DIRAS1: variants seen among roughly 807,000 people sequenced by gnomAD.
The protein encoded by DIRAS1 is GTP-binding protein Di-Ras1.
In DIRAS1, 3 loss-of-function variants were observed where a neutral mutation model predicts 11.5. That is an observed-to-expected ratio of 0.26 (90% CI 0.12 to 0.67). DIRAS1 has a LOEUF of 0.67. Ranked by LOEUF, DIRAS1 falls within the 30% of genes least tolerant of loss-of-function variation. DIRAS1 has a pLI of 0.80. For synonymous variants in DIRAS1, 128 were observed against 125.8 expected (o/e 1.02, Z -0.12); for missense variants, 212 against 285.3 (o/e 0.74, Z 1.85).
chr19:2,717,476 C>A lies in DIRAS1; in HGVS notation c.331G>T (p.Val111Leu), dbSNP rs755417061. 1 of 1,611,774 alleles carries A rather than the reference C, an allele frequency of 6.2e-7. No individual in the cohort carries two copies. The highest frequency in any genetic ancestry group is 1.3e-5 in the African/African-American group (1 of 74,922). ...YKLIVQIKGS[V>L]EDIPVMLVGN... ...ACGAGCATCACGGGGATGTCCTCCACGCTGCCCTTGATCTGCACGATGAGC... is the reference window on the plus strand; with the variant it reads ...ACGAGCATCACGGGGATGTCCTCCAAGCTGCCCTTGATCTGCACGATGAGC... The change falls in exon 2 of 2, where the codon GTG becomes TTG. Residue 111 changes from valine to leucine, a missense_variant. Coordinates refer to ENST00000323469, the MANE Select transcript of DIRAS1 (RefSeq NM_145173.4).
rs932132830 is a variant in DIRAS1 at position 2,721,131 on chromosome 19, G to A, written c.-70+173C>T. On this transcript the variant is annotated intron_variant, in intron 1 of 1. Coordinates refer to ENST00000323469, the MANE Select transcript of DIRAS1 (RefSeq NM_145173.4). ...AAGGTGAGCGCGGAGGGGCCGGCCGGGCCCGGCGGGAAGGGACGGGGGACG... is the reference window on the plus strand; with the variant it reads ...AAGGTGAGCGCGGAGGGGCCGGCCGAGCCCGGCGGGAAGGGACGGGGGACG... Among the ~76,000 whole-genome samples, 3 of 145,710 alleles carry A rather than the reference G, an allele frequency of 2.1e-5. No homozygotes were observed. In the East Asian group the frequency reaches 5.9e-4, roughly 29 times the overall value.
At position 2,717,176 on chromosome 19, in the gene DIRAS1, G is replaced by C; in HGVS notation, c.*34C>G. 1.3e-6 allele frequency: 2 copies of C among 1,543,728 alleles called. No homozygotes were observed. Among genetic ancestry groups the C allele is most frequent in the Non-Finnish European group, 1.7e-6 (2 of 1,144,020 alleles). On this transcript the variant is annotated 3_prime_UTR_variant, in exon 2 of 2. Coordinates refer to ENST00000323469, the MANE Select transcript of DIRAS1 (RefSeq NM_145173.4). ...GTTGGGGGAGGCAGCGGGGGTCAGTGGGGGTGGGCGGCGGGCAGGCGGGCG... is the reference window on the plus strand; with the variant it reads ...GTTGGGGGAGGCAGCGGGGGTCAGTCGGGGTGGGCGGCGGGCAGGCGGGCG...
At position 2,717,066 on chromosome 19, in the gene DIRAS1, A is replaced by AGGCGGGG; in HGVS notation, c.*143_*144insCCCCGCC. 1 of 754,386 alleles carries AGGCGGGG rather than the reference A, an allele frequency of 1.3e-6. No homozygotes were observed. Among genetic ancestry groups the AGGCGGGG allele is most frequent in the Non-Finnish European group, 2.0e-6 (1 of 511,908 alleles). The allele number at this position is 754,386 out of a possible 1,614,324, so 46.7% of individuals were successfully genotyped here. A position where few individuals can be genotyped will look rare whatever the true frequency, so the allele number is the denominator to read the frequency against. On this transcript the variant is annotated 3_prime_UTR_variant, in exon 2 of 2. Transcript: ENST00000323469. ...GCCTCGGGGTGGGCAGGGGCAGCGG[A>AGGCGGGG]GGGGGGGGCGGTGGCCTCGGTTTCC... is the stretch of plus-strand genomic sequence containing the variant.
intron 1 of DIRAS1, among the ~76,000 whole-genome samples, chr19:2,719,745 G>A (rs1913911752): frequency 6.6e-6 from 1 of 152,148 alleles, no homozygotes; most frequent in Non-Finnish European, 1.5e-5. Flanking sequence ...GCAAATTCAA[G>A]TCCCTAAGCC....
chr19:2,717,823 G>C lies in DIRAS1; in HGVS notation c.-17C>G, dbSNP rs769646160. 2 of 1,578,062 alleles carry C rather than the reference G, an allele frequency of 1.3e-6. No homozygotes were observed. The highest frequency in any genetic ancestry group is 2.2e-5 in the South Asian group (2 of 89,036). ...TTCCGGCATCTTCCCCGCGGCGGGT[G>C]GGCGGCCGGGGCCGGGAGGGCTGGT... On this transcript the variant is annotated 5_prime_UTR_variant, in exon 2 of 2. Coordinates refer to ENST00000323469, the MANE Select transcript of DIRAS1 (RefSeq NM_145173.4).
Position 2,717,230 on chromosome 19 carries a change from C to A in DIRAS1, c.577G>T (p.Gly193Cys). 1 of 1,595,526 alleles carries A rather than the reference C, an allele frequency of 6.3e-7. No individual in the cohort carries two copies. ...GKQKRTDRVK[G>C]KCTLM The stretch of plus-strand genomic sequence containing the variant: ...CGGGCTCACATGAGGGTGCATTTGC[C>A]CTTGACGCGGTCTGTCCTCTTCTGC... The change falls in exon 2 of 2, where the codon GGC becomes TGC. Residue 193 changes from glycine (G) to cysteine (C), a missense_variant. Gly to Cys is a radical substitution (Grantham distance 159, BLOSUM62 -3). Around this residue, in one of 2 missense-constraint regions of DIRAS1, gnomAD observed 84 missense variants for 79.9 expected, o/e 1.05. Coordinates refer to ENST00000323469, the MANE Select transcript of DIRAS1 (RefSeq NM_145173.4).
At position 2,717,180 on chromosome 19, in the gene DIRAS1, G is replaced by T; in HGVS notation, c.*30C>A. ...GGGGAGGCAGCGGGGGTCAGTGGGG[G>T]TGGGCGGCGGGCAGGCGGGCGTTCC... On this transcript the variant is annotated 3_prime_UTR_variant, in exon 2 of 2. Coordinates refer to ENST00000323469, the MANE Select transcript of DIRAS1 (RefSeq NM_145173.4). 2 of 1,545,282 alleles carry T rather than the reference G, an allele frequency of 1.3e-6. No individual in the cohort carries two copies. The highest frequency in any genetic ancestry group is 1.7e-6 in the Non-Finnish European group (2 of 1,145,274).
In DIRAS1 at chr19:2,717,294, C is replaced by G. The variant is rs767308385; in HGVS notation, c.513G>C (p.Arg171=). ...TGCCGTCGATGTTGAGGCTCATGTT[C>G]CGGCGCGTCTCCAGCGTCAGCAGCT... ...FQELLTLETR[R]NMSLNIDGKR... is the part of the protein sequence containing the mutation. The change falls in exon 2 of 2, where the codon CGG becomes CGC. Residue 171 remains arginine (R), a synonymous_variant. Coordinates refer to ENST00000323469, the MANE Select transcript of DIRAS1 (RefSeq NM_145173.4). 8.1e-6 allele frequency: 13 copies of G among 1,612,318 alleles called. No homozygotes were observed. Among genetic ancestry groups the G allele is most frequent in the African/African-American group, 2.7e-5 (2 of 74,886 alleles).
chr19:2,720,840 G>A (rs1168495105), intron 1 of DIRAS1, among the ~76,000 whole-genome samples: 1 of 152,038 alleles, frequency 6.6e-6, no homozygotes, highest in Non-Finnish European at 1.5e-5. Flanking sequence ...AGGGCGCAGA[G>A]GCACAGTGCG....
At chr19:2,719,834 C>T (rs1023076317) in intron 1 of DIRAS1, among the ~76,000 whole-genome samples, 1 of 152,202 alleles carries the variant, frequency 6.6e-6, no homozygotes, top group Non-Finnish European at 1.5e-5. Context: ...CTAGGCAGTG[C>T]CCTGTACAGC....
At position 2,717,626 on chromosome 19, in the gene DIRAS1, CTG is replaced by C; in HGVS notation, c.179_180del (p.Thr60ArgfsTer65). On this transcript the variant is annotated frameshift_variant, in exon 2 of 2. Transcript: ENST00000323469. LOFTEE classifies it high-confidence loss of function. The part of the protein sequence containing the change: ...CDKSVCTLQI[T>X]DTTGSHQFPA... ...GGGAACTGGTGGCTGCCGGTGGTGT[CTG>C]TGATCTGCAGCGTGCACACGCTCTT... The C allele has an allele frequency of 6.2e-7, 1 of 1,613,304 alleles. No homozygotes were observed. The highest frequency in any genetic ancestry group is 8.5e-7 in the Non-Finnish European group (1 of 1,179,980).
chr19:2,717,324 G>T lies in DIRAS1; in HGVS notation c.483C>A (p.Phe161Leu). The T allele has an allele frequency of 6.2e-7, 1 of 1,612,032 alleles. No homozygotes were observed. The stretch of plus-strand genomic sequence containing the variant: ...GCGTCTCCAGCGTCAGCAGCTCCTG[G>T]AAGAGCTCCTTGACGTTGTAGTTCA... ...AKMNYNVKELFQELLTLETRR... is the reference protein window; with the variant it reads ...AKMNYNVKELLQELLTLETRR... The change falls in exon 2 of 2, where the codon TTC (phenylalanine) becomes TTA (leucine). Residue 161 changes from phenylalanine (F) to leucine (L), a missense_variant. Phe to Leu is a conservative substitution (Grantham distance 22, BLOSUM62 0). Coordinates refer to ENST00000323469, the MANE Select transcript of DIRAS1 (RefSeq NM_145173.4).
In DIRAS1 at chr19:2,717,099, A is replaced by C; in HGVS notation, c.*111T>G. 4.4e-6 allele frequency: 5 copies of C among 1,136,070 alleles called. No homozygotes were observed. Among genetic ancestry groups the C allele is most frequent in the Non-Finnish European group, 4.9e-6 (4 of 823,556 alleles). The allele number at this position is 1,136,070 out of a possible 1,614,324, so 70.4% of individuals were successfully genotyped here. ...GCGGTGGCCTCGGTTTCCCCAGCCG[A>C]GGTGTCGGAGGAAGGATGAGAGAAG... On this transcript the variant is annotated 3_prime_UTR_variant, in exon 2 of 2. Coordinates refer to ENST00000323469, the MANE Select transcript of DIRAS1 (RefSeq NM_145173.4).
chr19:2,717,170 GTCAGTGGGGGTGGGC>G lies in DIRAS1; in HGVS notation c.*25_*39del. 6.6e-7 allele frequency: 1 copy of G among 1,523,852 alleles called. No homozygotes were observed. Among genetic ancestry groups the G allele is most frequent in the East Asian group, 2.3e-5 (1 of 43,112 alleles). The allele number at this position is 1,523,852 out of a possible 1,614,324, so 94.4% of individuals were successfully genotyped here. A position where few individuals can be genotyped will look rare whatever the true frequency, so the allele number is the denominator to read the frequency against. On this transcript the variant is annotated 3_prime_UTR_variant, in exon 2 of 2. Coordinates refer to ENST00000323469, the MANE Select transcript of DIRAS1 (RefSeq NM_145173.4). ...GTCGGTGTTGGGGGAGGCAGCGGGG[GTCAGTGGGGGTGGGC>G]GGCGGGCAGGCGGGCGTTCCGGGCT...
chr19:2,717,322 T>A lies in DIRAS1; in HGVS notation c.485A>T (p.Gln162Leu). 1 of 1,612,158 alleles carries A rather than the reference T, an allele frequency of 6.2e-7. No homozygotes were observed. Among genetic ancestry groups the A allele is most frequent in the Non-Finnish European group, 8.5e-7 (1 of 1,179,976 alleles). ...KMNYNVKELF[Q>L]ELLTLETRRN... ...GCGCGTCTCCAGCGTCAGCAGCTCC[T>A]GGAAGAGCTCCTTGACGTTGTAGTT... The change falls in exon 2 of 2, where the codon CAG becomes CTG. Residue 162 changes from glutamine to leucine, a missense_variant. Gln to Leu is a moderately radical substitution (Grantham distance 113, BLOSUM62 -2). Transcript: ENST00000323469.
chr19:2,718,726 T>C lies in DIRAS1; in HGVS notation c.-69-851A>G, dbSNP rs959102558. ...TTTTAGTAGAGGCAGGGTTTCTCCA[T>C]GTTGGTCAGGCAGGTCTTGAACTCC... On this transcript the variant is annotated intron_variant, in intron 1 of 1. Transcript: ENST00000323469. The surrounding 1 kb of genome is among the most constrained non-coding windows in gnomAD (Gnocchi z 4.2). 2.0e-5 allele frequency among the ~76,000 whole-genome samples: 3 copies of C among 151,794 alleles called. No individual in the cohort carries two copies. The highest frequency in any genetic ancestry group is 7.3e-5 in the African/African-American group (3 of 41,262).
intron 1 of DIRAS1, 60 bp downstream of exon 1, chr19:2,721,244 C>CG (rs1913950609): frequency 1.3e-5 from 2 of 148,924 alleles, no homozygotes; most frequent in African/African-American, 4.9e-5. Context: ...GGACGCGCGG[C>CG]GGGGAGGACG....
At position 2,717,180 on chromosome 19, in the gene DIRAS1, G is replaced by C; in HGVS notation, c.*30C>G. On this transcript the variant is annotated 3_prime_UTR_variant, in exon 2 of 2. Transcript: ENST00000323469. The stretch of plus-strand genomic sequence containing the variant: ...GGGGAGGCAGCGGGGGTCAGTGGGG[G>C]TGGGCGGCGGGCAGGCGGGCGTTCC... 6.5e-7 allele frequency: 1 copy of C among 1,545,282 alleles called. No individual in the cohort carries two copies. Among genetic ancestry groups the C allele is most frequent in the Non-Finnish European group, 8.7e-7 (1 of 1,145,274 alleles).
chr19:2,717,928 G>T, intron 1 of DIRAS1, 53 bp from the exon 2 acceptor site: 1 of 1,020,044 alleles, frequency 9.8e-7, no homozygotes, highest in Non-Finnish European at 1.4e-6. Context: ...TGAGGGGACA[G>T]CCCCACGCCC....
Sources: gnomAD v4.1 joint callset for allele counts (sites outside exome capture counted in the v4.1 genomes callset) on GRCh38, gnomAD v4.1.1 for gene constraint, gnomAD v4.1.1 regional missense constraint, Gnocchi (gnomAD v3.1) non-coding constraint, MANE v1.5 for transcripts, NCBI Gene and HGNC (gene_info 2026-07-23, HGNC 2026-07-21) for gene names.